Variants in HSD17B1 observed in about 807,000 individuals in gnomAD.
The protein encoded by HSD17B1 is 17-beta-hydroxysteroid dehydrogenase type 1.
A neutral mutation model predicts 22.7 loss-of-function variants in HSD17B1; 16 were observed. The observed-to-expected ratio is 0.71, with a 90% CI of 0.48 to 1.07. HSD17B1 has a LOEUF of 1.07. Ranked by LOEUF, HSD17B1 falls within the 50% of genes least tolerant of loss-of-function variation. The pLI is 0.00. For synonymous variants in HSD17B1, 243 were observed against 211.0 expected (o/e 1.15, Z -1.31); for missense variants, 533 against 459.9 (o/e 1.16, Z -1.45).
At position 42,553,492 on chromosome 17, in the gene HSD17B1, G is replaced by A; in HGVS notation, c.319G>A (p.Ala107Thr). Residue 107 changes from alanine (A) to threonine (T), a missense_variant, in exon 3 of 6, where the codon GCC becomes ACC. Coordinates refer to ENST00000585807, the MANE Select transcript of HSD17B1 (RefSeq NM_000413.4). Reference sequence around the variant, plus strand: ...GCCGCTGGAGGCGCTGGGGGAGGACGCCGTGGCCTCTGTGCTGGACGTGAA... The same window carrying A: ...GCCGCTGGAGGCGCTGGGGGAGGACACCGTGGCCTCTGTGCTGGACGTGAA... ...LGPLEALGED[A>T]VASVLDVNVV... 6.2e-7 allele frequency: 1 copy of A among 1,613,822 alleles called. No individual in the cohort carries two copies.
chr17:42,554,710 C>T lies in HSD17B1; in HGVS notation c.759C>T (p.Arg253=). ...TGCGCGCCCCGAAGCCGACCCTGCG[C>T]TACTTCACCACCGAGCGCTTCCTGC... ...TALRAPKPTL[R]YFTTERFLPL... Residue 253 remains arginine (R), a synonymous_variant, in exon 6 of 6, where the codon CGC becomes CGT. Transcript: ENST00000585807. 6.2e-7 allele frequency: 1 copy of T among 1,603,570 alleles called. No homozygotes were observed. The highest frequency in any genetic ancestry group is 1.7e-4 in the Middle Eastern group (1 of 6,060).
rs1369418391 is a variant in HSD17B1, at chr17:42,553,010, A to G, written c.77A>G (p.Asp26Gly). ...CACTTGGCCGTACGTCTGGCTTCAGATCCATCCCAGAGCTTCAAAGGTATA... is the reference window on the plus strand; with the variant it reads ...CACTTGGCCGTACGTCTGGCTTCAGGTCCATCCCAGAGCTTCAAAGGTATA... Reference protein sequence around the residue: ...GLHLAVRLASDPSQSFKVYAT... With the variant: ...GLHLAVRLASGPSQSFKVYAT... Residue 26 changes from aspartate to glycine, a missense_variant, in exon 1 of 6, where the codon GAT (aspartate) becomes GGT (glycine). Coordinates refer to ENST00000585807, the MANE Select transcript of HSD17B1 (RefSeq NM_000413.4). 3.7e-6 allele frequency: 6 copies of G among 1,613,972 alleles called. No homozygotes were observed. Among genetic ancestry groups the G allele is most frequent in the Non-Finnish European group, 5.1e-6 (6 of 1,180,006 alleles).
rs538382595 is a variant in HSD17B1, at chr17:42,552,942, C to G, written c.9C>G (p.Arg3=). The G allele has an allele frequency of 6.2e-7, 1 of 1,613,986 alleles. No individual in the cohort carries two copies. Among genetic ancestry groups the G allele is most frequent in the Non-Finnish European group, 8.5e-7 (1 of 1,179,934 alleles). ...CTCCCCACAGTCTCACCATGGCCCG[C>G]ACCGTGGTGCTCATCACCGGCTGTT... is the stretch of plus-strand genomic sequence containing the variant. MA[R]TVVLITGCSS... Residue 3 remains arginine (R), a synonymous_variant, in exon 1 of 6, where the codon CGC becomes CGG. Transcript: ENST00000585807.
At position 42,555,142 on chromosome 17, in the gene HSD17B1, C is replaced by T. The variant is rs1161910527; in HGVS notation, c.*204C>T. 2.7e-6 allele frequency: 3 copies of T among 1,123,534 alleles called. No homozygotes were observed. Among genetic ancestry groups the T allele is most frequent in the Non-Finnish European group, 3.5e-6 (3 of 847,554 alleles). The allele number at this position is 1,123,534 out of a possible 1,614,324, so 69.6% of individuals were successfully genotyped here. A position where few individuals can be genotyped will look rare whatever the true frequency, so the allele number is the denominator to read the frequency against. On this transcript the variant is annotated 3_prime_UTR_variant, in exon 6 of 6. Coordinates refer to ENST00000585807, the MANE Select transcript of HSD17B1 (RefSeq NM_000413.4). ...GGAGGCAGGAGGATCGCTCAAGCCC[C>T]GGAGTTGGAGACCAGCCAGAGCAAC...
In HSD17B1 at chr17:42,553,783, C is replaced by T; in HGVS notation, c.446-11C>T. 1.2e-6 allele frequency: 2 copies of T among 1,612,234 alleles called. No individual in the cohort carries two copies. Among genetic ancestry groups the T allele is most frequent in the South Asian group, 1.1e-5 (1 of 90,774 alleles). ...CCGCTGCGCCTCAGGAACCTCGTCT[C>T]CCCACCTAAGGGCTGCCTTTCAATG... On this transcript the variant is annotated splice_polypyrimidine_tract_variant and intron_variant, in intron 3 of 5. Coordinates refer to ENST00000585807, the MANE Select transcript of HSD17B1 (RefSeq NM_000413.4).
chr17:42,554,495 C>G lies in HSD17B1; in HGVS notation c.630C>G (p.Ile210Met), dbSNP rs1214067791. 6.2e-7 allele frequency: 1 copy of G among 1,613,954 alleles called. No homozygotes were observed. The highest frequency in any genetic ancestry group is 8.5e-7 in the Non-Finnish European group (1 of 1,179,904). ...SPEEVLDRTD[I>M]HTFHRFYQYL... ...AGGAGGTGCTGGACCGCACGGACATCCACACCTTCCACCGCTTCTACCAAT... is the reference window on the plus strand; with the variant it reads ...AGGAGGTGCTGGACCGCACGGACATGCACACCTTCCACCGCTTCTACCAAT... Residue 210 changes from isoleucine (I) to methionine (M), a missense_variant, in exon 5 of 6, where the codon ATC (isoleucine) becomes ATG (methionine). Coordinates refer to ENST00000585807, the MANE Select transcript of HSD17B1 (RefSeq NM_000413.4).
At position 42,554,499 on chromosome 17, in the gene HSD17B1, A is replaced by T; in HGVS notation, c.634A>T (p.Thr212Ser). The T allele has an allele frequency of 1.9e-6, 3 of 1,613,946 alleles. No homozygotes were observed. Among genetic ancestry groups the T allele is most frequent in the Non-Finnish European group, 1.7e-6 (2 of 1,179,920 alleles). Reference protein sequence around the residue: ...EEVLDRTDIHTFHRFYQYLAH... With the variant: ...EEVLDRTDIHSFHRFYQYLAH... The stretch of plus-strand genomic sequence containing the variant: ...GGTGCTGGACCGCACGGACATCCAC[A>T]CCTTCCACCGCTTCTACCAATACCT... Residue 212 changes from threonine (T) to serine (S), a missense_variant, in exon 5 of 6, where the codon ACC becomes TCC. By Grantham distance (58) the Thr-to-Ser change is moderately conservative. Transcript: ENST00000585807.
rs1437492124 is a variant in HSD17B1, at chr17:42,554,319, T to G, written c.540-86T>G. 13 of 1,459,102 alleles carry G rather than the reference T, an allele frequency of 8.9e-6. No homozygotes were observed. The East Asian group carries it at 1.0e-4, about 11-fold the overall frequency. 90.4% of individuals were successfully genotyped at this position (1,459,102 alleles called of 1,614,324 possible). On this transcript the variant is annotated intron_variant, in intron 4 of 5. Coordinates refer to ENST00000585807, the MANE Select transcript of HSD17B1 (RefSeq NM_000413.4). The stretch of plus-strand genomic sequence containing the variant: ...CTGCTCGCGGTCGGGGGCCGGGACG[T>G]GGTTGGGGCTGGGACTGGGGTTGGG...
Position 42,553,614 on chromosome 17 carries a change from G to A in HSD17B1, c.441G>A (p.Leu147=), listed in dbSNP as rs764498807. 2 of 1,606,818 alleles carry A rather than the reference G, an allele frequency of 1.2e-6. No homozygotes were observed. Among genetic ancestry groups the A allele is most frequent in the East Asian group, 4.5e-5 (2 of 44,880 alleles). ...TGGTGACCGGGAGCGTGGGAGGATTGATGGGTGAGTGGTAGGGAGTGGCCT... is the reference window on the plus strand; with the variant it reads ...TGGTGACCGGGAGCGTGGGAGGATTAATGGGTGAGTGGTAGGGAGTGGCCT... ...RVLVTGSVGG[L]MGLPFNDVYC... Residue 147 remains leucine (L), a synonymous_variant, in exon 3 of 6, where the codon TTG becomes TTA. Transcript: ENST00000585807.
intron 3 of HSD17B1, 53 bp downstream of exon 3, chr17:42,553,671 G>A: frequency 6.2e-7 from 1 of 1,600,764 alleles, no homozygotes; most frequent in Non-Finnish European, 8.5e-7. Context: ...GTGCGGAGCT[G>A]AGCCTTGAAG....
rs192431327 is a variant in HSD17B1, at chr17:42,553,695, G to T, written c.445+77G>T. The T allele has an allele frequency of 1.0e-3, 1,673 of 1,596,720 alleles. 10 individuals are homozygous for T. The East Asian group carries it at 0.016, about 15-fold the overall frequency. Reference sequence around the variant, plus strand: ...TGAGCCTTGAAGGCAGGTTCCGCGGGGGGGGTGGAGTGGGGTGCCGTCAGC... The same window carrying T: ...TGAGCCTTGAAGGCAGGTTCCGCGGTGGGGGTGGAGTGGGGTGCCGTCAGC... On this transcript the variant is annotated intron_variant, in intron 3 of 5. Transcript: ENST00000585807.
rs1326026613 is a variant in HSD17B1 at position 42,554,405 on chromosome 17, C to T, written c.540C>T (p.His180=). 1 of 1,603,964 alleles carries T rather than the reference C, an allele frequency of 6.2e-7. No individual in the cohort carries two copies. Among genetic ancestry groups the T allele is most frequent in the Non-Finnish European group, 8.5e-7 (1 of 1,173,956 alleles). The part of the protein sequence containing the change: ...LAVLLLPFGV[H]LSLIECGPVH... The stretch of plus-strand genomic sequence containing the variant: ...CCACTCGTTGCTCTCCGGCCAGCAG[C>T]TTGAGCCTGATCGAGTGCGGCCCAG... Residue 180 remains histidine (H), a splice_region_variant and synonymous_variant, in exon 5 of 6, where the codon CAC becomes CAT. Coordinates refer to ENST00000585807, the MANE Select transcript of HSD17B1 (RefSeq NM_000413.4).
chr17:42,553,398 G>A, intron 2 of HSD17B1, 41 bp from the exon 3 acceptor site: 2 of 1,608,176 alleles, frequency 1.2e-6, no homozygotes, highest in South Asian at 1.1e-5. Flanking sequence ...CGTGCTGAGG[G>A]TGATGCTGAG....
At position 42,555,141 on chromosome 17, in the gene HSD17B1, C is replaced by T; in HGVS notation, c.*203C>T. The T allele has an allele frequency of 8.8e-7, 1 of 1,139,042 alleles. No individual in the cohort carries two copies. The highest frequency in any genetic ancestry group is 1.2e-6 in the Non-Finnish European group (1 of 860,796). 70.6% of individuals were successfully genotyped at this position (1,139,042 alleles called of 1,614,324 possible). On this transcript the variant is annotated 3_prime_UTR_variant, in exon 6 of 6. Coordinates refer to ENST00000585807, the MANE Select transcript of HSD17B1 (RefSeq NM_000413.4). Reference sequence around the variant, plus strand: ...CGGAGGCAGGAGGATCGCTCAAGCCCCGGAGTTGGAGACCAGCCAGAGCAA... The same window carrying T: ...CGGAGGCAGGAGGATCGCTCAAGCCTCGGAGTTGGAGACCAGCCAGAGCAA...
intron 2 of HSD17B1, 49 bp downstream of exon 2, chr17:42,553,340 C>A (rs1340292773): frequency 6.2e-7 from 1 of 1,602,376 alleles, no homozygotes; most frequent in South Asian, 1.1e-5. Context: ...CTCCGCCCTG[C>A]GTTGAAACCA....
Position 42,552,994 on chromosome 17 carries a change from G to T in HSD17B1, c.61G>T (p.Val21Leu), listed in dbSNP as rs143237971. 54 of 1,614,170 alleles carry T rather than the reference G, an allele frequency of 3.3e-5. No homozygotes were observed. The African/African-American group carries it at 5.9e-4, about 18-fold the overall frequency. Residue 21 changes from valine (V) to leucine (L), a missense_variant, in exon 1 of 6, where the codon GTA becomes TTA. Coordinates refer to ENST00000585807, the MANE Select transcript of HSD17B1 (RefSeq NM_000413.4). ...CTCGGGCATCGGCCTGCACTTGGCC[G>T]TACGTCTGGCTTCAGATCCATCCCA... Reference protein sequence around the residue: ...CSSGIGLHLAVRLASDPSQSF... With the variant: ...CSSGIGLHLALRLASDPSQSF...
chr17:42,554,235 T>A (rs1328440845), intron 4 of HSD17B1, 170 bp from the exon 5 acceptor site: 19 of 953,690 alleles, frequency 2.0e-5, no homozygotes, highest in East Asian at 2.7e-5. Context: ...GGAACCCGCG[T>A]TTCAAATGTT....
rs1376766642 is a variant in HSD17B1 at position 42,554,581 on chromosome 17, A to C, written c.716A>C (p.Glu239Ala). Residue 239 changes from glutamate (E) to alanine (A), a missense_variant and splice_region_variant, in exon 5 of 6, where the codon GAG (glutamate) becomes GCG (alanine). Coordinates refer to ENST00000585807, the MANE Select transcript of HSD17B1 (RefSeq NM_000413.4). ...EAAQNPEEVA[E>A]VFLTALRAPK... The stretch of plus-strand genomic sequence containing the variant: ...GCGCAGAACCCTGAGGAGGTGGCGG[A>C]GGTGAGCGCCGGGCTGGACTCCAGG... 35 of 1,612,996 alleles carry C rather than the reference A, an allele frequency of 2.2e-5. No individual in the cohort carries two copies. Among genetic ancestry groups the C allele is most frequent in the Non-Finnish European group, 3.0e-5 (35 of 1,179,600 alleles).
chr17:42,554,892 CG>C lies in HSD17B1; in HGVS notation c.943del (p.Val315TrpfsTer41). 2 of 1,526,676 alleles carry C rather than the reference CG, an allele frequency of 1.3e-6. No homozygotes were observed. Among genetic ancestry groups the C allele is most frequent in the Non-Finnish European group, 1.7e-6 (2 of 1,145,816 alleles). The allele number at this position is 1,526,676 out of a possible 1,614,324, so 94.6% of individuals were successfully genotyped here. On this transcript the variant is annotated frameshift_variant, in exon 6 of 6. Coordinates refer to ENST00000585807, the MANE Select transcript of HSD17B1 (RefSeq NM_000413.4). LOFTEE classifies it low-confidence loss of function (END_TRUNC). ...PGAEDEAGRG[A>X]VGDPELGDPP... is the part of the protein sequence containing the mutation. ...GCAGAGGACGAGGCCGGGCGCGGTG[CG>C]GTGGGGGACCCTGAGCTCGGCGATC...
Sources: allele counts gnomAD v4.1 joint callset, GRCh38; gene constraint gnomAD v4.1.1; transcripts MANE v1.5; gene names NCBI Gene and HGNC (gene_info 2026-07-23, HGNC 2026-07-21).